Variants in SYTL2 observed in about 807,000 individuals in gnomAD.
SYTL2 encodes the protein synaptotagmin-like protein 2.
Under a neutral mutation model 198.7 loss-of-function variants are expected in SYTL2, and 165 were observed. The observed-to-expected ratio is 0.83, with a 90% CI of 0.73 to 0.94. The LOEUF is 0.94. Among genes scored for constraint, SYTL2 ranks in the 40% least tolerant of loss-of-function variants. The pLI, the probability that SYTL2 is intolerant of heterozygous loss-of-function variation, is 0.00. For synonymous variants in SYTL2, 966 were observed against 917.7 expected, an observed-to-expected ratio of 1.05 and a Z score of -0.95; for missense variants, 2,835 against 2,582.8, an observed-to-expected ratio of 1.10 and a Z score of -2.12.
At chr11:85,711,644 T>C (rs1591643714) in intron 12 of SYTL2, among the ~76,000 whole-genome samples, 2 of 152,322 alleles carry the variant, frequency 1.3e-5, no homozygotes, top group East Asian at 3.9e-4. Context: ...TCATGTTTAA[T>C]TCCTCTTATT....
chr11:85,719,384 C>G, intron 9 of SYTL2: 1 of 1,033,696 alleles, frequency 9.7e-7, no homozygotes, highest in Non-Finnish European at 1.2e-6. Context: ...CAGGAATACC[C>G]GTCAGCTGAT....
chr11:85,754,886 G>C lies in SYTL2; in HGVS notation c.101+2739C>G, dbSNP rs562500127. ...AAGAATAACAACGATGAGCAGAATA[G>C]AGCAGAGGGAAAAGCACCGGCCCAA... On this transcript the variant is annotated intron_variant, in intron 2 of 19. Transcript: ENST00000359152. Among the ~76,000 whole-genome samples, 3 of 152,278 alleles carry C rather than the reference G, an allele frequency of 2.0e-5. No individual in the cohort carries two copies. In the South Asian group the frequency reaches 6.2e-4, roughly 32 times the overall value.
chr11:85,706,405 C>G (rs908366749), intron 15 of SYTL2, among the ~76,000 whole-genome samples: 1 of 152,206 alleles, frequency 6.6e-6, no homozygotes, highest in South Asian at 2.1e-4. Flanking sequence ...AATAAAACCA[C>G]TAGTTAAACT....
chr11:85,737,703 G>T, intron 4 of SYTL2, 47 bp from the exon 5 acceptor site: 1 of 1,524,300 alleles, frequency 6.6e-7, no homozygotes, highest in Non-Finnish European at 9.1e-7. Flanking sequence ...ACCTTTTGAG[G>T]AATCATAAAT....
chr11:85,718,971 G>A, intron 9 of SYTL2, 128 bp from the exon 10 acceptor site: 1 of 1,538,286 alleles, frequency 6.5e-7, no homozygotes, highest in Non-Finnish European at 8.7e-7. Context: ...GTGCAACCAA[G>A]ATGTCTTCCC....
Position 85,696,274 on chromosome 11 carries a change from A to T in SYTL2, c.6483T>A (p.Asp2161Glu), listed in dbSNP as rs1176573115. 6.2e-7 allele frequency: 1 copy of T among 1,614,084 alleles called. No homozygotes were observed. Among genetic ancestry groups the T allele is most frequent in the Non-Finnish European group, 8.5e-7 (1 of 1,179,970 alleles). The change falls in exon 19 of 20, where the codon GAT becomes GAA. Residue 2161 changes from aspartate to glutamate, a missense_variant. By Grantham distance (45) the Asp-to-Glu change is conservative. Around this residue, in one of 3 missense-constraint regions of SYTL2, gnomAD observed 185 missense variants for 182.1 expected, o/e 1.02. Transcript: ENST00000359152. ...TMVYDGFRPE[D>E]LMEACVELTV... ...TAAGCTCTACACAGGCTTCCATCAGATCTTCAGGCCTGAACCCATCATACA... is the reference window on the plus strand; with the variant it reads ...TAAGCTCTACACAGGCTTCCATCAGTTCTTCAGGCCTGAACCCATCATACA...
At chr11:85,829,117 T>C in the SYTL2 span, among the ~76,000 whole-genome samples, 1 of 152,006 alleles carries the variant, frequency 6.6e-6, no homozygotes, top group Non-Finnish European at 1.5e-5. Flanking sequence ...GGGGTAAATG[T>C]GCAGGTTTGT....
chr11:85,725,573 T>C lies in SYTL2; in HGVS notation c.3785A>G (p.Asp1262Gly). ...AAAAGGAGCTAGTATTTCTCTCTTA[T>C]CAGCTGAAGTATTGTGACTCTGTTC... ...GIEQSHNTSA[D>G]KREILAPFPV... Residue 1262 changes from aspartate (D) to glycine (G), a missense_variant, in exon 8 of 20, where the codon GAT becomes GGT. Asp to Gly is a moderately conservative substitution (Grantham distance 94). Transcript: ENST00000359152. 1 of 1,614,084 alleles carries C rather than the reference T, an allele frequency of 6.2e-7. No homozygotes were observed. The highest frequency in any genetic ancestry group is 8.5e-7 in the Non-Finnish European group (1 of 1,179,968).
chr11:85,715,736 A>G (rs115996421), intron 11 of SYTL2, among the ~76,000 whole-genome samples: 1 of 152,332 alleles, frequency 6.6e-6, no homozygotes, highest in African/African-American at 2.4e-5. Flanking sequence ...ATCACTTCCC[A>G]TGAAACAACA....
rs1394191475 is a variant in SYTL2, at chr11:85,726,118, C to T, written c.3240G>A (p.Gln1080=). ...CCTTTGATGACTCATTTCCTGGCAACTGATAAGTATACTTTCTAAGTGGAC... is the reference window on the plus strand; with the variant it reads ...CCTTTGATGACTCATTTCCTGGCAATTGATAAGTATACTTTCTAAGTGGAC... ...PLSPLRKYTY[Q]LPGNESSKEN... The change falls in exon 8 of 20, where the codon CAG becomes CAA. Residue 1080 remains glutamine, a synonymous_variant. Coordinates refer to ENST00000359152, the MANE Select transcript of SYTL2 (RefSeq NM_206927.4). 5 of 1,613,948 alleles carry T rather than the reference C, an allele frequency of 3.1e-6. No individual in the cohort carries two copies. In the Admixed American group the frequency reaches 5.0e-5, roughly 16 times the overall value.
At chr11:85,790,359 T>G (rs1017016966) in intron 1 of SYTL2, among the ~76,000 whole-genome samples, 1 of 152,204 alleles carries the variant, frequency 6.6e-6, no homozygotes, top group Non-Finnish European at 1.5e-5. Context: ...GACCTAAGCC[T>G]ATCCCAAGCA....
At chr11:85,834,723 T>C in the SYTL2 span, among the ~76,000 whole-genome samples, 1 of 151,930 alleles carries the variant, frequency 6.6e-6, no homozygotes, top group Non-Finnish European at 1.5e-5. Context: ...GATTAAGCTA[T>C]GATGTTCAGA....
intron 8 of SYTL2, among the ~76,000 whole-genome samples, chr11:85,722,722 G>C (rs1363254204): frequency 2.0e-5 from 3 of 151,652 alleles, no homozygotes; most frequent in African/African-American, 7.3e-5. Context: ...ATTTACTTTA[G>C]AGATTAAATA....
chr11:85,739,292 A>G (rs1463868901), intron 4 of SYTL2, among the ~76,000 whole-genome samples: 2 of 148,426 alleles, frequency 1.3e-5, no homozygotes, highest in Non-Finnish European at 3.0e-5. Context: ...TTATTTGCAA[A>G]ACTGCAGTGA....
rs774030139 is a variant in SYTL2, at chr11:85,725,025, C to A, written c.4333G>T (p.Glu1445Ter). Reference protein sequence around the residue: ...SSNVVPDKTHEVGSYLAAQMS... With the variant: ...SSNVVPDKTH Reference sequence around the variant, plus strand: ...TGGGCAGCTAAATAAGATCCAACTTCATGAGTTTTATCAGGAACTACATTG... The same window carrying A: ...TGGGCAGCTAAATAAGATCCAACTTAATGAGTTTTATCAGGAACTACATTG... The change falls in exon 8 of 20, where the codon GAA becomes TAA. Residue 1445 changes from glutamate to a stop codon, truncating the protein, a stop_gained. Coordinates refer to ENST00000359152, the MANE Select transcript of SYTL2 (RefSeq NM_206927.4). LOFTEE classifies it high-confidence loss of function. The A allele has an allele frequency of 3.3e-5, 54 of 1,614,072 alleles. 1 individual carries two copies. The highest frequency in any genetic ancestry group is 1.9e-4 in the South Asian group (17 of 91,066).
intron 1 of SYTL2, among the ~76,000 whole-genome samples, chr11:85,772,165 G>A (rs939586003): frequency 5.9e-5 from 9 of 152,150 alleles, no homozygotes; most frequent in Non-Finnish European, 1.2e-4. Flanking sequence ...CTCCCAAAGT[G>A]CTGGGATTAC....
At chr11:85,800,769 G>T (rs1050549960) in intron 1 of SYTL2, among the ~76,000 whole-genome samples, 4 of 152,104 alleles carry the variant, frequency 2.6e-5, no homozygotes, top group African/African-American at 9.7e-5. Context: ...CCACAACAGG[G>T]TCACATCTGT....
At chr11:85,823,391 G>A in the SYTL2 span, among the ~76,000 whole-genome samples, 1 of 152,174 alleles carries the variant, frequency 6.6e-6, no homozygotes, top group Non-Finnish European at 1.5e-5. Context: ...TAGTCTAGCA[G>A]CTGCCAGCTT....
chr11:85,714,927 C>A (rs758126260), intron 11 of SYTL2: 7 of 158,130 alleles, frequency 4.4e-5, no homozygotes, highest in Admixed American at 1.9e-4. Flanking sequence ...TCTGGACAGT[C>A]AAGATTTTTG....
Sources: allele counts gnomAD v4.1 joint callset (sites outside exome capture counted in the v4.1 genomes callset), GRCh38; gene constraint gnomAD v4.1.1; regional missense constraint gnomAD v4.1.1; transcripts MANE v1.5; gene names NCBI Gene and HGNC (gene_info 2026-07-23, HGNC 2026-07-21).